The following RPS6KC1 variants were observed in gnomAD, a reference collection of about 807,000 sequenced individuals.
RPS6KC1 encodes the protein ribosomal protein S6 kinase C1, also known as inactive ribosomal protein S6 kinase delta-1.
Under a neutral mutation model 103.8 loss-of-function variants are expected in RPS6KC1, and 54 were observed. The ratio of observed to expected loss-of-function variants is 0.52; its 90% CI spans 0.42 to 0.65. The LOEUF (loss-of-function observed/expected upper bound fraction) is 0.65. Among genes scored for constraint, RPS6KC1 ranks in the 30% least tolerant of loss-of-function variants. RPS6KC1 has a pLI of 0.00. For missense variants in RPS6KC1, 1,151 were observed against 1,253.8 expected, an observed-to-expected ratio of 0.92 and a Z score of 1.24; for synonymous variants, 439 against 438.7, an observed-to-expected ratio of 1.00 and a Z score of -0.01.
intron 3 of RPS6KC1, among the ~76,000 whole-genome samples, chr1:213,095,203 G>T (rs146930524): frequency 1.1e-4 from 16 of 152,306 alleles, no homozygotes; most frequent in Admixed American, 7.2e-4. Flanking sequence ...CTACAGGTGT[G>T]TTCCTGGTGC....
chr1:213,518,967 C>A, the RPS6KC1 span, among the ~76,000 whole-genome samples: 1 of 152,112 alleles, frequency 6.6e-6, no homozygotes, highest in African/African-American at 2.4e-5. Context: ...ATATCTCAGA[C>A]GACCCATTCA....
the RPS6KC1 span, among the ~76,000 whole-genome samples, chr1:213,826,212 G>C: frequency 6.6e-6 from 1 of 152,162 alleles, no homozygotes; most frequent in East Asian, 1.9e-4. Context: ...AATCATAATA[G>C]AATTTTTTTA....
At chr1:213,676,116 T>G in the RPS6KC1 span, among the ~76,000 whole-genome samples, 1 of 152,212 alleles carries the variant, frequency 6.6e-6, no homozygotes, top group Non-Finnish European at 1.5e-5. Flanking sequence ...TGGGTTTCTA[T>G]ACCTTTACAC....
At chr1:213,557,758 T>A in the RPS6KC1 span, among the ~76,000 whole-genome samples, 1 of 152,176 alleles carries the variant, frequency 6.6e-6, no homozygotes, top group Non-Finnish European at 1.5e-5. Flanking sequence ...TTCTTTTAGA[T>A]GTCATTGTTC....
At chr1:213,417,165 C>A in the RPS6KC1 span, among the ~76,000 whole-genome samples, 2 of 152,182 alleles carry the variant, frequency 1.3e-5, no homozygotes, top group Non-Finnish European at 2.9e-5. Context: ...CTCCTCGCTG[C>A]CTTTCTTTCA....
the RPS6KC1 span, among the ~76,000 whole-genome samples, chr1:213,834,809 G>A: frequency 1.4e-4 from 22 of 152,098 alleles, no homozygotes; most frequent in African/African-American, 5.1e-4. Flanking sequence ...ACTGTTTTCC[G>A]CATTCTGTAT....
At chr1:213,199,716 C>G (rs1293282297) in intron 8 of RPS6KC1, among the ~76,000 whole-genome samples, 3 of 151,696 alleles carry the variant, frequency 2.0e-5, no homozygotes, top group Non-Finnish European at 4.4e-5. Context: ...CCTGTTTGCA[C>G]AGTGCTATAT....
the RPS6KC1 span, among the ~76,000 whole-genome samples, chr1:213,358,232 T>A: frequency 6.6e-6 from 1 of 152,210 alleles, no homozygotes; most frequent in Non-Finnish European, 1.5e-5. Context: ...CTTGTACTGC[T>A]GGTAGAATTC....
the RPS6KC1 span, among the ~76,000 whole-genome samples, chr1:213,600,729 C>T: frequency 6.6e-6 from 1 of 152,196 alleles, no homozygotes; most frequent in Non-Finnish European, 1.5e-5. Flanking sequence ...AGAACTTTGA[C>T]TTGAATTTCT....
chr1:213,254,095 A>G (rs181176313), intron 12 of RPS6KC1, among the ~76,000 whole-genome samples: 5 of 152,350 alleles, frequency 3.3e-5, no homozygotes, highest in African/African-American at 1.2e-4. Flanking sequence ...AAGCAAAGGT[A>G]GGCAAAGCAC....
intron 14 of RPS6KC1, among the ~76,000 whole-genome samples, chr1:213,265,003 A>C (rs147117607): frequency 6.6e-6 from 1 of 152,358 alleles, no homozygotes; most frequent in East Asian, 1.9e-4. Context: ...TAGCATGTAC[A>C]TTAGTTAATT....
At chr1:213,794,329 A>C in the RPS6KC1 span, 1 of 152,178 alleles carries the variant, frequency 6.6e-6, no homozygotes, top group Admixed American at 6.5e-5. Flanking sequence ...ATAATGTGTG[A>C]CTTTCCCCCA....
At chr1:213,116,239 G>T (rs1197399929) in intron 4 of RPS6KC1, among the ~76,000 whole-genome samples, 1 of 151,850 alleles carries the variant, frequency 6.6e-6, no homozygotes, top group Non-Finnish European at 1.5e-5. Context: ...GGGTGCTCCT[G>T]TATTGGGTGC....
chr1:213,395,355 G>T, the RPS6KC1 span, among the ~76,000 whole-genome samples: 1 of 152,212 alleles, frequency 6.6e-6, no homozygotes, highest in Non-Finnish European at 1.5e-5. Flanking sequence ...TGAAGGGTCA[G>T]TGGGGAAGAT....
At chr1:213,286,719 G>A in the RPS6KC1 span, among the ~76,000 whole-genome samples, 2 of 152,178 alleles carry the variant, frequency 1.3e-5, no homozygotes, top group Non-Finnish European at 2.9e-5. Context: ...CCATTTTGCA[G>A]TCTTCAATGG....
the RPS6KC1 span, among the ~76,000 whole-genome samples, chr1:213,689,362 C>G: frequency 6.6e-6 from 1 of 152,202 alleles, no homozygotes. Context: ...CTCCTCAGCC[C>G]TTAGGGCTAG....
the RPS6KC1 span, among the ~76,000 whole-genome samples, chr1:213,343,405 A>G: frequency 2.7e-3 from 52 of 19,046 alleles, 5 homozygotes; most frequent in African/African-American, 5.6e-3. Context: ...ATATATATAT[A>G]TATATATATA....
chr1:213,163,816 G>T (rs1455169767), intron 6 of RPS6KC1, among the ~76,000 whole-genome samples: 1 of 152,124 alleles, frequency 6.6e-6, no homozygotes, highest in Non-Finnish European at 1.5e-5. Flanking sequence ...ACTCTTTGTA[G>T]CTCCAGTTTT....
chr1:213,156,939 T>G (rs1326248305), intron 6 of RPS6KC1, among the ~76,000 whole-genome samples: 1 of 152,166 alleles, frequency 6.6e-6, no homozygotes, highest in Non-Finnish European at 1.5e-5. Flanking sequence ...TTTTTCTCCT[T>G]TCACTGTTTT....
Sources: allele counts gnomAD v4.1 joint callset (sites outside exome capture counted in the v4.1 genomes callset), GRCh38; gene constraint gnomAD v4.1.1; transcripts MANE v1.5; gene names NCBI Gene and HGNC (gene_info 2026-07-23, HGNC 2026-07-21).